Variants in SLC5A4 observed in about 807,000 individuals in gnomAD.
The protein encoded by SLC5A4 is solute carrier family 5 member 4.
SLC5A4 carries 55 observed loss-of-function variants against 70.3 expected under a neutral mutation model. The ratio of observed to expected loss-of-function variants is 0.78; its 90% confidence interval spans 0.63 to 0.98. The LOEUF is 0.98. Ranked by LOEUF, SLC5A4 falls within the 50% of genes least tolerant of loss-of-function variation. The probability of loss-of-function intolerance (pLI) is 0.00; values close to 1 mark genes in which losing one functional copy is unlikely to be tolerated. For missense variants in SLC5A4, 735 were observed against 839.2 expected (o/e 0.88, Z 1.53); for synonymous variants, 268 against 305.7 (o/e 0.88, Z 1.29).
At chr22:32,310,653 G>C in the SLC5A4 span, among the ~76,000 whole-genome samples, 1 of 152,212 alleles carries the variant, frequency 6.6e-6, no homozygotes, top group South Asian at 2.1e-4. Context: ...GGAGGAGACA[G>C]CTGGACCCAA....
chr22:32,270,555 A>G, the SLC5A4 span: 1 of 717,894 alleles, frequency 1.4e-6, no homozygotes, highest in South Asian at 1.5e-5. Context: ...ACTCAACCAT[A>G]TTCCCGCAGA....
the SLC5A4 span, among the ~76,000 whole-genome samples, chr22:32,353,308 C>T: frequency 6.6e-6 from 1 of 152,090 alleles, no homozygotes; most frequent in Admixed American, 6.5e-5. Context: ...TGCTGGTTCC[C>T]GTTCCTGACG....
chr22:32,288,771 CAT>C, the SLC5A4 span, among the ~76,000 whole-genome samples: 1 of 152,162 alleles, frequency 6.6e-6, no homozygotes, highest in African/African-American at 2.4e-5. Flanking sequence ...GTCTCGAACT[CAT>C]GACCTCAGGT....
chr22:32,248,219 C>A (rs1926943164), intron 4 of SLC5A4, among the ~76,000 whole-genome samples: 1 of 152,114 alleles, frequency 6.6e-6, no homozygotes, highest in African/African-American at 2.4e-5. Context: ...ACAGATTTAC[C>A]CAAACACTGT....
chr22:32,266,799 A>G, the SLC5A4 span, among the ~76,000 whole-genome samples: 1 of 152,240 alleles, frequency 6.6e-6, no homozygotes, highest in Non-Finnish European at 1.5e-5. Flanking sequence ...GTGTTCTTAC[A>G]GTAAAGTAAG....
chr22:32,219,017 T>G (rs8142488), intron 14 of SLC5A4, among the ~76,000 whole-genome samples: 35,680 of 151,994 alleles, frequency 0.23, 5,572 homozygotes, highest in African/African-American at 0.44. Flanking sequence ...TAAAAATAGG[T>G]AAGAAAAGGC....
the SLC5A4 span, among the ~76,000 whole-genome samples, chr22:32,264,585 C>G: frequency 4.0e-5 from 6 of 151,876 alleles, no homozygotes; most frequent in African/African-American, 1.5e-4. Context: ...CAAAACAAAA[C>G]GAAACAAGAA....
In SLC5A4 at chr22:32,225,756, C is replaced by T; in HGVS notation, c.1348G>A (p.Gly450Arg). 1 of 1,612,262 alleles carries T rather than the reference C, an allele frequency of 6.2e-7. No individual in the cohort carries two copies. Reference sequence around the variant, plus strand: ...GATTCTGTGTAATGGATTAGTTGTCCATTTTGAGAAACTTGTACCAGTGGG... The same window carrying T: ...GATTCTGTGTAATGGATTAGTTGTCTATTTTGAGAAACTTGTACCAGTGGG... ...WVPLVQVSQN[G>R]QLIHYTESIS... The change falls in exon 12 of 15, where the codon GGA becomes AGA. Residue 450 changes from glycine to arginine, a missense_variant. Transcript: ENST00000266086.
the SLC5A4 span, among the ~76,000 whole-genome samples, chr22:32,339,716 G>A: frequency 6.2e-4 from 94 of 152,264 alleles, no homozygotes; most frequent in African/African-American, 2.2e-3. Flanking sequence ...GACAAACCCC[G>A]AGAGCAAAAC....
chr22:32,291,677 T>C, the SLC5A4 span, among the ~76,000 whole-genome samples: 16 of 152,098 alleles, frequency 1.1e-4, no homozygotes, highest in Non-Finnish European at 1.9e-4. Flanking sequence ...TTTAAGCACT[T>C]ATTTATCTGA....
intron 3 of SLC5A4, 112 bp from the exon 4 acceptor site, chr22:32,248,914 C>T: frequency 1.4e-6 from 1 of 714,800 alleles, no homozygotes; most frequent in Non-Finnish European, 2.5e-6. Flanking sequence ...TGGCTCAATC[C>T]TGTCCCATTC....
chr22:32,293,630 A>T, the SLC5A4 span, among the ~76,000 whole-genome samples: 3 of 152,066 alleles, frequency 2.0e-5, no homozygotes, highest in Non-Finnish European at 4.4e-5. Flanking sequence ...AAAACCCATG[A>T]GACATTATTA....
At chr22:32,337,625 T>C in the SLC5A4 span, among the ~76,000 whole-genome samples, 1 of 152,232 alleles carries the variant, frequency 6.6e-6, no homozygotes, top group African/African-American at 2.4e-5. Flanking sequence ...TGTGAGGAGA[T>C]AAATACACTA....
At chr22:32,298,751 G>T in the SLC5A4 span, among the ~76,000 whole-genome samples, 1 of 98,862 alleles carries the variant, frequency 1.0e-5, no homozygotes, top group African/African-American at 3.9e-5. Flanking sequence ...TCCTAGTCTC[G>T]ATGGTCTTTA....
At chr22:32,337,687 T>C in the SLC5A4 span, among the ~76,000 whole-genome samples, 2 of 152,174 alleles carry the variant, frequency 1.3e-5, no homozygotes, top group Non-Finnish European at 2.9e-5. Flanking sequence ...TAACAACCTG[T>C]TCTCCAGAGG....
chr22:32,342,037 C>T, the SLC5A4 span, among the ~76,000 whole-genome samples: 2 of 152,212 alleles, frequency 1.3e-5, no homozygotes, highest in African/African-American at 4.8e-5. Flanking sequence ...GCTCTGTTCA[C>T]CAATGTATCA....
At chr22:32,222,980 G>T (rs1303190852) in intron 13 of SLC5A4, among the ~76,000 whole-genome samples, 2 of 152,126 alleles carry the variant, frequency 1.3e-5, no homozygotes, top group East Asian at 3.8e-4. Context: ...TATGCTCTAA[G>T]ATTTTTTTTT....
At chr22:32,269,451 G>A in the SLC5A4 span, 2 of 505,306 alleles carry the variant, frequency 4.0e-6, no homozygotes, top group East Asian at 5.0e-5. This position sits in a 1 kb window ranked among gnomAD's most constrained non-coding sequence, Gnocchi z 4.1. Flanking sequence ...TTCCTGCACG[G>A]CTACTACAAG....
At chr22:32,328,794 A>C in the SLC5A4 span, among the ~76,000 whole-genome samples, 1 of 152,248 alleles carries the variant, frequency 6.6e-6, no homozygotes, top group Non-Finnish European at 1.5e-5. Flanking sequence ...AGCTAATACA[A>C]GGCCTCAGGG....
Sources: gnomAD v4.1 joint callset for allele counts (sites outside exome capture counted in the v4.1 genomes callset) on GRCh38, gnomAD v4.1.1 for gene constraint, Gnocchi (gnomAD v3.1) non-coding constraint, MANE v1.5 for transcripts, NCBI Gene and HGNC (gene_info 2026-07-23, HGNC 2026-07-21) for gene names.